MAGI2: variants seen among roughly 807,000 people sequenced by gnomAD.
The protein encoded by MAGI2 is membrane-associated guanylate kinase, WW and PDZ domain-containing protein 2.
MAGI2 carries 35 observed loss-of-function variants against 133.3 expected under a neutral mutation model. That is an observed-to-expected ratio of 0.26 (90% CI 0.20 to 0.35). The LOEUF (loss-of-function observed/expected upper bound fraction) is 0.35. Among genes scored for constraint, MAGI2 ranks in the 10% least tolerant of loss-of-function variants. The probability of loss-of-function intolerance (pLI) is 1.00; values close to 1 mark genes in which losing one functional copy is unlikely to be tolerated. For synonymous variants in MAGI2, 729 were observed against 710.6 expected (o/e 1.03, Z -0.41); for missense variants, 1,636 against 1,863.4 (o/e 0.88, Z 2.25).
intron 1 of MAGI2, among the ~76,000 whole-genome samples, chr7:79,171,740 A>AT (rs1825570672): frequency 4.4e-5 from 1 of 22,676 alleles, no homozygotes; most frequent in Non-Finnish European, 1.3e-4. Flanking sequence ...GACAATAGCC[A>AT]AAAATATATA....
chr7:78,837,984 G>A (rs561432059), intron 2 of MAGI2, among the ~76,000 whole-genome samples: 10 of 152,216 alleles, frequency 6.6e-5, no homozygotes, highest in African/African-American at 2.2e-4. Context: ...GCTGGGTACT[G>A]TAGATTGTTT....
intron 2 of MAGI2, among the ~76,000 whole-genome samples, chr7:78,797,331 A>G (rs965242878): frequency 7.2e-5 from 11 of 152,118 alleles, no homozygotes; most frequent in Admixed American, 2.0e-4. Context: ...AACCTATCCT[A>G]GACAATGATC....
At chr7:78,497,710 C>T (rs4421288) in intron 5 of MAGI2, among the ~76,000 whole-genome samples, 91,470 of 150,222 alleles carry the variant, frequency 0.61, 29,229 homozygotes, top group African/African-American at 0.82. Context: ...TTATGCTATT[C>T]AGAAATAACT....
chr7:78,884,155 A>G (rs1796090368), intron 2 of MAGI2, among the ~76,000 whole-genome samples: 1 of 152,080 alleles, frequency 6.6e-6, no homozygotes, highest in African/African-American at 2.4e-5. Context: ...AAAGAACAAA[A>G]CAAGCAAAAA....
intron 2 of MAGI2, among the ~76,000 whole-genome samples, chr7:78,932,738 C>T (rs565986780): frequency 4.6e-5 from 7 of 152,176 alleles, no homozygotes; most frequent in African/African-American, 9.6e-5. Flanking sequence ...GCTTTATGGT[C>T]ATAAAGCATC....
intron 1 of MAGI2, among the ~76,000 whole-genome samples, chr7:79,192,323 AG>A (rs995875418): frequency 2.6e-5 from 4 of 151,958 alleles, no homozygotes; most frequent in African/African-American, 9.7e-5. Flanking sequence ...AACTTAAAAA[AG>A]TATCTCTAGA....
At chr7:78,178,175 A>C in intron 13 of MAGI2, 73 bp from the exon 14 acceptor site, 1 of 909,362 alleles carries the variant, frequency 1.1e-6, no homozygotes, top group Non-Finnish European at 1.8e-6. Context: ...GAACATACCA[A>C]TGATAAATTA....
chr7:78,084,151 T>C (rs1195995636), intron 20 of MAGI2, among the ~76,000 whole-genome samples: 1 of 152,224 alleles, frequency 6.6e-6, no homozygotes. Context: ...TCCCAGATTA[T>C]AACTAGGTAT....
chr7:78,312,627 T>C (rs1798805741), intron 9 of MAGI2, among the ~76,000 whole-genome samples: 1 of 152,108 alleles, frequency 6.6e-6, no homozygotes, highest in South Asian at 2.1e-4. Context: ...ATGTCACTAA[T>C]AATCAGGGAA....
chr7:79,039,858 TATATATATAATATATATG>T (rs1811479569), intron 1 of MAGI2, among the ~76,000 whole-genome samples: 1 of 143,184 alleles, frequency 7.0e-6, no homozygotes, highest in African/African-American at 2.6e-5. Context: ...ATATATATTA[TATATATATAATATATATG>T]TATATATAAT....
intron 10 of MAGI2, among the ~76,000 whole-genome samples, chr7:78,206,921 G>C (rs191684280): frequency 3.3e-5 from 5 of 152,262 alleles, no homozygotes; most frequent in Non-Finnish European, 7.4e-5. Context: ...ATGCCCTAAA[G>C]CTGTGTGTTC....
chr7:78,858,348 T>G (rs1793840665), intron 2 of MAGI2, among the ~76,000 whole-genome samples: 1 of 152,248 alleles, frequency 6.6e-6, no homozygotes, highest in South Asian at 2.1e-4. Context: ...GATATTAGCG[T>G]GTCAATTTTA....
At chr7:79,373,504 G>T (rs1255823530) in intron 1 of MAGI2, among the ~76,000 whole-genome samples, 1 of 151,610 alleles carries the variant, frequency 6.6e-6, no homozygotes, top group Non-Finnish European at 1.5e-5. Flanking sequence ...TAAAGTATGA[G>T]GAATATTCAA....
chr7:78,955,443 T>TA (rs1291098947), intron 2 of MAGI2, among the ~76,000 whole-genome samples: 3 of 152,116 alleles, frequency 2.0e-5, no homozygotes, highest in Non-Finnish European at 4.4e-5. Context: ...AAAATTAGCA[T>TA]AAAGGTACAT....
chr7:78,383,534 T>TTTC (rs1795114293), intron 6 of MAGI2, among the ~76,000 whole-genome samples: 1 of 152,132 alleles, frequency 6.6e-6, no homozygotes, highest in Admixed American at 6.6e-5. Context: ...TTGCAAATAT[T>TTTC]TTCTTCCATT....
At chr7:79,338,356 G>T (rs562191221) in intron 1 of MAGI2, among the ~76,000 whole-genome samples, 454 of 152,182 alleles carry the variant, frequency 3.0e-3, no homozygotes, top group Non-Finnish European at 4.7e-3. Flanking sequence ...TAGGTGGTCT[G>T]GTGACCAGAC....
At chr7:78,329,313 A>G (rs1409036059) in intron 9 of MAGI2, among the ~76,000 whole-genome samples, 1 of 152,240 alleles carries the variant, frequency 6.6e-6, no homozygotes, top group Non-Finnish European at 1.5e-5. Context: ...AAAGGTCTGC[A>G]TGGTAATTTA....
chr7:78,479,039 G>A (rs1247706931), intron 6 of MAGI2, among the ~76,000 whole-genome samples: 1 of 151,880 alleles, frequency 6.6e-6, no homozygotes, highest in African/African-American at 2.4e-5. Flanking sequence ...TGTGTCCATA[G>A]TGGCAGCTGG....
intron 1 of MAGI2, among the ~76,000 whole-genome samples, chr7:79,101,551 C>T (rs529156217): frequency 1.1e-3 from 171 of 151,896 alleles, no homozygotes; most frequent in African/African-American, 3.9e-3. Context: ...GGTGAAACCC[C>T]GTCTCCACTA....
Sources: gnomAD v4.1 joint callset for allele counts (sites outside exome capture counted in the v4.1 genomes callset) on GRCh38, gnomAD v4.1.1 for gene constraint, MANE v1.5 for transcripts, NCBI Gene and HGNC (gene_info 2026-07-23, HGNC 2026-07-21) for gene names.